KCNH5: variants seen among roughly 807,000 people sequenced by gnomAD.
KCNH5 encodes voltage-gated delayed rectifier potassium channel KCNH5.
Under a neutral mutation model 96.1 loss-of-function variants are expected in KCNH5, and 46 were observed. The ratio of observed to expected loss-of-function variants is 0.48; its 90% CI spans 0.38 to 0.61. The LOEUF (loss-of-function observed/expected upper bound fraction) is 0.61. KCNH5 is among the 20% of genes least tolerant of loss of function. The probability of loss-of-function intolerance (pLI) is 0.00; values close to 1 mark genes in which losing one functional copy is unlikely to be tolerated. For synonymous variants in KCNH5, 439 were observed against 449.8 expected (o/e 0.98, Z 0.30); for missense variants, 907 against 1,225.8 (o/e 0.74, Z 3.88).
chr14:62,843,569 G>C (rs547360954), intron 8 of KCNH5, among the ~76,000 whole-genome samples: 1 of 151,662 alleles, frequency 6.6e-6, no homozygotes, highest in African/African-American at 2.4e-5. Flanking sequence ...GCACCACCAC[G>C]CCCAGCTAAT....
At chr14:62,934,320 A>C (rs1889638120) in intron 7 of KCNH5, among the ~76,000 whole-genome samples, 4 of 152,140 alleles carry the variant, frequency 2.6e-5, no homozygotes, top group Admixed American at 2.6e-4. Context: ...TTTAGCAAAC[A>C]CCAAAAATGA....
At chr14:63,013,098 G>C (rs565365143) in intron 2 of KCNH5, among the ~76,000 whole-genome samples, 1 of 151,768 alleles carries the variant, frequency 6.6e-6, no homozygotes, top group South Asian at 2.1e-4. Context: ...TGTGTGTCTG[G>C]TCCAATGTGG....
intron 10 of KCNH5, among the ~76,000 whole-genome samples, chr14:62,773,409 G>A (rs72625625): frequency 1.2e-4 from 19 of 152,086 alleles, no homozygotes; most frequent in African/African-American, 3.4e-4. Context: ...CCTTTATGCC[G>A]CCTGTGTACT....
At chr14:62,751,183 C>T (rs1885491167) in intron 10 of KCNH5, among the ~76,000 whole-genome samples, 1 of 152,120 alleles carries the variant, frequency 6.6e-6, no homozygotes, top group Non-Finnish European at 1.5e-5. Context: ...CTGTCTGCAG[C>T]TAACAAATCC....
intron 7 of KCNH5, among the ~76,000 whole-genome samples, chr14:62,942,051 T>C (rs1176603841): frequency 6.6e-6 from 1 of 152,212 alleles, no homozygotes; most frequent in African/African-American, 2.4e-5. Flanking sequence ...CTTTTCCTCT[T>C]AACCTTTACA....
rs185878996 is a variant in KCNH5, at chr14:62,943,285, G to A, written c.1369+6848C>T. ...CTGCTTTCTTGATAAATCTTTGGAA[G>A]AGGATTTTTAAAAACATATGAAGAC... is the stretch of plus-strand genomic sequence containing the variant. On this transcript the variant is annotated intron_variant, in intron 7 of 10. Transcript: ENST00000322893. Among the ~76,000 whole-genome samples the A allele has an allele frequency of 2.9e-3, 444 of 152,198 alleles. 5 individuals are homozygous for A. The highest frequency in any genetic ancestry group is 9.9e-3 in the African/African-American group (409 of 41,520).
At chr14:63,017,044 T>G in intron 1 of KCNH5, 90 bp from the exon 2 acceptor site, 1 of 1,228,046 alleles carries the variant, frequency 8.1e-7, no homozygotes, top group South Asian at 1.5e-5. Flanking sequence ...CTTATAAAGA[T>G]GGACACATAC....
At chr14:62,947,358 T>G (rs1229201578) in intron 7 of KCNH5, among the ~76,000 whole-genome samples, 1 of 152,182 alleles carries the variant, frequency 6.6e-6, no homozygotes, top group Admixed American at 6.6e-5. Flanking sequence ...ATCCATTTAA[T>G]TAATCATCAG....
intron 10 of KCNH5, among the ~76,000 whole-genome samples, chr14:62,731,741 C>A (rs1885055673): frequency 6.6e-6 from 1 of 152,096 alleles, no homozygotes; most frequent in African/African-American, 2.4e-5. Flanking sequence ...AAAATAGCCC[C>A]CAAAAGAATA....
At chr14:62,725,714 T>C (rs1310415762) in intron 10 of KCNH5, among the ~76,000 whole-genome samples, 1 of 152,224 alleles carries the variant, frequency 6.6e-6, no homozygotes, top group African/African-American at 2.4e-5. Context: ...TGATCATTGT[T>C]AAGATAAAAG....
At chr14:62,975,923 T>C (rs1890490755) in intron 6 of KCNH5, among the ~76,000 whole-genome samples, 1 of 152,054 alleles carries the variant, frequency 6.6e-6, no homozygotes, top group Non-Finnish European at 1.5e-5. Context: ...TCCAGAAATA[T>C]ACGGATCAAA....
chr14:62,820,011 G>A (rs2140016731), intron 8 of KCNH5, among the ~76,000 whole-genome samples: 1 of 152,258 alleles, frequency 6.6e-6, no homozygotes, highest in South Asian at 2.1e-4. Flanking sequence ...TCTACTATAT[G>A]GGGGACATGT....
chr14:62,718,232 A>G (rs370381620), intron 10 of KCNH5, among the ~76,000 whole-genome samples: 1 of 152,200 alleles, frequency 6.6e-6, no homozygotes, highest in East Asian at 1.9e-4. Context: ...AGAAGCCCCA[A>G]CCTCAGCATC....
intron 7 of KCNH5, among the ~76,000 whole-genome samples, chr14:62,898,676 C>A (rs1888863729): frequency 6.6e-6 from 1 of 152,044 alleles, no homozygotes. Context: ...GAGAAATACT[C>A]AGCAAAATAA....
Position 62,938,961 on chromosome 14 carries a change from A to G in KCNH5, c.1369+11172T>C, listed in dbSNP as rs529097142. Among the ~76,000 whole-genome samples, 7 of 152,352 alleles carry G rather than the reference A, an allele frequency of 4.6e-5. No individual in the cohort carries two copies. In the South Asian group the frequency reaches 1.4e-3, roughly 32 times the overall value. ...TTTGAAATTTGATTTAGAAAAACAT[A>G]TTGGCTGTGAAAATTACTGCATCAG... On this transcript the variant is annotated intron_variant, in intron 7 of 10. Transcript: ENST00000322893.
At chr14:63,005,411 C>T (rs1234784269) in intron 3 of KCNH5, among the ~76,000 whole-genome samples, 2 of 152,274 alleles carry the variant, frequency 1.3e-5, no homozygotes, top group South Asian at 2.1e-4. Context: ...ATAAATTATG[C>T]TCCACAAGAT....
At chr14:62,731,167 G>T (rs978567781) in intron 10 of KCNH5, among the ~76,000 whole-genome samples, 2 of 151,942 alleles carry the variant, frequency 1.3e-5, no homozygotes, top group African/African-American at 4.8e-5. Context: ...TGGGCATGGT[G>T]GTGGGTGCCT....
chr14:62,822,080 G>A (rs1255587788), intron 8 of KCNH5, among the ~76,000 whole-genome samples: 1 of 152,152 alleles, frequency 6.6e-6, no homozygotes, highest in Non-Finnish European at 1.5e-5. Context: ...ATATGGACAA[G>A]AGCTGTATCC....
chr14:62,761,854 T>A (rs1019014843), intron 10 of KCNH5, among the ~76,000 whole-genome samples: 3 of 152,106 alleles, frequency 2.0e-5, no homozygotes, highest in Non-Finnish European at 4.4e-5. Flanking sequence ...AGGGGACCTT[T>A]CGAAGGATGG....
Sources: gnomAD v4.1 joint callset for allele counts (sites outside exome capture counted in the v4.1 genomes callset) on GRCh38, gnomAD v4.1.1 for gene constraint, MANE v1.5 for transcripts, NCBI Gene and HGNC (gene_info 2026-07-23, HGNC 2026-07-21) for gene names.